The following TANC1 variants were observed in gnomAD, a reference collection of about 807,000 sequenced individuals.
The protein encoded by TANC1 is tetratricopeptide repeat, ankyrin repeat and coiled-coil containing 1.
In TANC1, 77 loss-of-function variants were observed where a neutral mutation model predicts 149.7. That is an observed-to-expected ratio of 0.51 (90% CI 0.43 to 0.62). The LOEUF (loss-of-function observed/expected upper bound fraction) is 0.62. TANC1 is among the 20% of genes least tolerant of loss of function. TANC1 has a pLI of 0.00. For missense variants in TANC1, 1,985 were observed against 2,321.8 expected (o/e 0.85, Z 2.98); for synonymous variants, 854 against 925.0 (o/e 0.92, Z 1.39).
At chr2:159,021,475 T>C (rs264579) in intron 2 of TANC1, among the ~76,000 whole-genome samples, 32,898 of 152,116 alleles carry the variant, frequency 0.22, 3,884 homozygotes, top group South Asian at 0.45. Context: ...CATGCACCTG[T>C]AGTCCTAGCT....
intron 16 of TANC1, among the ~76,000 whole-genome samples, chr2:159,187,863 A>G (rs1003460659): frequency 7.2e-5 from 11 of 152,260 alleles, no homozygotes; most frequent in African/African-American, 2.7e-4. Context: ...ATATGTTTTC[A>G]TATGTTAATG....
chr2:159,041,503 C>G (rs1333476211), intron 2 of TANC1, among the ~76,000 whole-genome samples: 1 of 152,214 alleles, frequency 6.6e-6, no homozygotes, highest in Non-Finnish European at 1.5e-5. Context: ...GGATGCCCCT[C>G]CCCCAGCTAG....
chr2:159,007,138 GT>G (rs70994252), intron 2 of TANC1, among the ~76,000 whole-genome samples: 17,022 of 70,040 alleles, frequency 0.24, 429 homozygotes, highest in South Asian at 0.36. Context: ...CTTTAATACT[GT>G]TTTTTTTTTT....
intron 4 of TANC1, among the ~76,000 whole-genome samples, chr2:159,124,801 A>C (rs1025270925): frequency 6.6e-6 from 1 of 151,118 alleles, no homozygotes; most frequent in Non-Finnish European, 1.5e-5. Context: ...GTACAGTAGC[A>C]TGAGCATGAC....
At chr2:159,166,685 G>C (rs375416670) in intron 8 of TANC1, among the ~76,000 whole-genome samples, 48 of 152,346 alleles carry the variant, frequency 3.2e-4, no homozygotes, top group African/African-American at 1.1e-3. Context: ...AGGCATGCCT[G>C]AGAGGGCAGA....
intron 8 of TANC1, among the ~76,000 whole-genome samples, chr2:159,166,715 CAG>C (rs774043226): frequency 3.0e-4 from 45 of 152,274 alleles, no homozygotes; most frequent in Admixed American, 7.2e-4. Flanking sequence ...GTTACCTGCT[CAG>C]AGGGTGGGGA....
chr2:159,018,813 G>C lies in TANC1; in HGVS notation c.-16+17624G>C, dbSNP rs112528104. Among the ~76,000 whole-genome samples the C allele has an allele frequency of 1.9e-4, 29 of 152,240 alleles. 1 individual carries two copies. Among genetic ancestry groups the C allele is most frequent in the African/African-American group, 7.0e-4 (29 of 41,558 alleles). ...TATAGCTTCTACTATGTGCCATTTT[G>C]TTTTTGATCATAAAGTAATTTAGTA... is the stretch of plus-strand genomic sequence containing the variant. On this transcript the variant is annotated intron_variant, in intron 2 of 26. Coordinates refer to ENST00000263635, the MANE Select transcript of TANC1 (RefSeq NM_033394.3).
chr2:159,227,564 C>T (rs111992224), intron 24 of TANC1: 356 of 482,744 alleles, frequency 7.4e-4, no homozygotes, highest in African/African-American at 6.2e-3. Flanking sequence ...TAGCAGTTTA[C>T]AGACACCTTA....
chr2:159,065,976 G>C lies in TANC1; in HGVS notation c.61+5G>C, dbSNP rs201239088. Reference sequence around the variant, plus strand: ...AGGGAGGCAAGAAGGAAGCAGGTATGTGTGCAAGAATGAGAAGCTCAGCCA... The same window carrying C: ...AGGGAGGCAAGAAGGAAGCAGGTATCTGTGCAAGAATGAGAAGCTCAGCCA... On this transcript the variant is annotated splice_donor_5th_base_variant and intron_variant, in intron 3 of 26. Coordinates refer to ENST00000263635, the MANE Select transcript of TANC1 (RefSeq NM_033394.3). The C allele has an allele frequency of 1.5e-3, 2,474 of 1,611,342 alleles. 7 individuals carry two copies. Among genetic ancestry groups the C allele is most frequent in the Non-Finnish European group, 1.9e-3 (2,261 of 1,177,446 alleles).
chr2:158,971,985 T>A (rs1282940425), intron 1 of TANC1, among the ~76,000 whole-genome samples: 1 of 152,194 alleles, frequency 6.6e-6, no homozygotes, highest in Admixed American at 6.5e-5. Flanking sequence ...AATACATTTT[T>A]AGGGTTATAT....
intron 1 of TANC1, among the ~76,000 whole-genome samples, chr2:158,982,493 G>A (rs903858612): frequency 1.0e-4 from 16 of 152,390 alleles, no homozygotes; most frequent in Admixed American, 2.0e-4. Flanking sequence ...CAAGGCCAAA[G>A]GCGAAGCCCT....
intron 19 of TANC1, among the ~76,000 whole-genome samples, chr2:159,212,281 C>T (rs189810083): frequency 2.6e-5 from 4 of 152,276 alleles, no homozygotes; most frequent in Admixed American, 2.6e-4. Context: ...TGATTCATTC[C>T]TTCTTCTGGT....
At chr2:159,161,546 A>G (rs2054046507) in intron 7 of TANC1, among the ~76,000 whole-genome samples, 1 of 152,230 alleles carries the variant, frequency 6.6e-6, no homozygotes, top group Admixed American at 6.5e-5. Context: ...TCTTATCAAT[A>G]AATTAGACCA....
chr2:159,083,380 A>G lies in TANC1; in HGVS notation c.62-14257A>G, dbSNP rs75672243. ...CAGCCATGTTGTATGTGACTTTAAA[A>G]ACTCTTAGAAGATCCCTCATTATCT... On this transcript the variant is annotated intron_variant, in intron 3 of 26. Coordinates refer to ENST00000263635, the MANE Select transcript of TANC1 (RefSeq NM_033394.3). 7.8e-3 allele frequency among the ~76,000 whole-genome samples: 1,179 copies of G among 151,780 alleles called. 2 individuals are homozygous for G. Among genetic ancestry groups the G allele is most frequent in the Non-Finnish European group, 0.012 (817 of 67,964 alleles).
At chr2:159,171,877 A>AG (rs2055280364) in intron 10 of TANC1, among the ~76,000 whole-genome samples, 1 of 49,876 alleles carries the variant, frequency 2.0e-5, no homozygotes, top group Admixed American at 2.0e-4. Context: ...AAAAAAAAAG[A>AG]AAAAGAAAAA....
chr2:159,217,553 C>A lies in TANC1; in HGVS notation c.3301C>A (p.His1101Asn). 1 of 1,614,250 alleles carries A rather than the reference C, an allele frequency of 6.2e-7. No individual in the cohort carries two copies. Among genetic ancestry groups the A allele is most frequent in the South Asian group, 1.1e-5 (1 of 91,088 alleles). Residue 1101 changes from histidine (H) to asparagine (N), a missense_variant, in exon 20 of 27, where the codon CAT becomes AAT. Around this residue, in one of 3 missense-constraint regions of TANC1, gnomAD observed 920 missense variants for 994.7 expected, o/e 0.92. Coordinates refer to ENST00000263635, the MANE Select transcript of TANC1 (RefSeq NM_033394.3). ...GGAGGTCTGTGAGCTGCTGCTGGGG[C>A]ATGGAGCTGCTGTGTCGCGGACAAA... ...KLEVCELLLG[H>N]GAAVSRTNRR...
intron 19 of TANC1, among the ~76,000 whole-genome samples, chr2:159,209,694 C>T (rs2058858293): frequency 6.6e-6 from 1 of 152,222 alleles, no homozygotes; most frequent in Non-Finnish European, 1.5e-5. Flanking sequence ...ATCCTAAAAT[C>T]CCTCATTACA....
intron 3 of TANC1, among the ~76,000 whole-genome samples, chr2:159,072,686 C>T (rs1288300047): frequency 6.6e-6 from 1 of 152,034 alleles, no homozygotes; most frequent in Non-Finnish European, 1.5e-5. Context: ...TTAATGGGTG[C>T]AGCACACCAA....
chr2:159,162,836 T>C (rs1376840170), intron 7 of TANC1, among the ~76,000 whole-genome samples: 4 of 152,220 alleles, frequency 2.6e-5, no homozygotes, highest in Non-Finnish European at 5.9e-5. Context: ...CTGCACCGTT[T>C]CTGCATTAAC....
Sources: gnomAD v4.1 joint callset for allele counts (sites outside exome capture counted in the v4.1 genomes callset) on GRCh38, gnomAD v4.1.1 for gene constraint, gnomAD v4.1.1 regional missense constraint, MANE v1.5 for transcripts, NCBI Gene and HGNC (gene_info 2026-07-23, HGNC 2026-07-21) for gene names.